ADGRV1: variants seen among roughly 807,000 people sequenced by gnomAD.
ADGRV1 encodes the protein G-protein coupled receptor 98.
A neutral mutation model predicts 596.2 loss-of-function variants in ADGRV1; 359 were observed. The ratio of observed to expected loss-of-function variants is 0.60; its 90% CI spans 0.55 to 0.66. The LOEUF (loss-of-function observed/expected upper bound fraction) is 0.66, where lower values mean the gene tolerates loss of function less well. ADGRV1 is among the 30% of genes least tolerant of loss of function. The probability of loss-of-function intolerance (pLI) is 0.00; values close to 1 mark genes in which losing one functional copy is unlikely to be tolerated. For synonymous variants in ADGRV1, 2,681 were observed against 2,679.2 expected, an observed-to-expected ratio of 1.00 and a Z score of -0.02; for missense variants, 7,274 against 7,575.6, an observed-to-expected ratio of 0.96 and a Z score of 1.48.
chr5:90,865,819 G>A (rs570274598), intron 83 of ADGRV1, among the ~76,000 whole-genome samples: 1 of 152,264 alleles, frequency 6.6e-6, no homozygotes, highest in Non-Finnish European at 1.5e-5. Flanking sequence ...GCTGACTACA[G>A]TAAGTTGGGC....
intron 83 of ADGRV1, among the ~76,000 whole-genome samples, chr5:90,871,959 C>T (rs1336335756): frequency 2.6e-5 from 4 of 152,088 alleles, no homozygotes; most frequent in South Asian, 2.1e-4. Context: ...ACACAAGATC[C>T]GAGGAAGGAG....
intron 45 of ADGRV1, among the ~76,000 whole-genome samples, chr5:90,723,577 A>G (rs1173035614): frequency 2.0e-5 from 3 of 152,226 alleles, no homozygotes; most frequent in Non-Finnish European, 4.4e-5. Context: ...GGATTTGTCC[A>G]TATGTCAGGA....
chr5:90,647,378 T>C (rs1442266156), intron 16 of ADGRV1, 120 bp from the exon 17 acceptor site: 33 of 930,842 alleles, frequency 3.5e-5, no homozygotes, highest in Non-Finnish European at 5.2e-5. Context: ...GAGCTAATTA[T>C]TTTGGCAAAG....
chr5:91,030,238 A>G (rs1468589102), intron 85 of ADGRV1, among the ~76,000 whole-genome samples: 1 of 152,114 alleles, frequency 6.6e-6, no homozygotes, highest in Non-Finnish European at 1.5e-5. Context: ...TGCTTAGATA[A>G]ACCCTTTATT....
chr5:91,142,307 A>T (rs1795162158), intron 87 of ADGRV1, among the ~76,000 whole-genome samples: 1 of 152,224 alleles, frequency 6.6e-6, no homozygotes, highest in Admixed American at 6.5e-5. Context: ...TGAACTGGAC[A>T]TGGTCTCTTA....
intron 85 of ADGRV1, among the ~76,000 whole-genome samples, chr5:91,054,867 GC>G (rs1311186416): frequency 4.6e-5 from 7 of 152,164 alleles, no homozygotes; most frequent in Non-Finnish European, 1.5e-5. Context: ...AATAGAGGAG[GC>G]CACTGAGATT....
chr5:91,117,874 C>T (rs185768541), intron 87 of ADGRV1, among the ~76,000 whole-genome samples: 8 of 152,160 alleles, frequency 5.3e-5, no homozygotes, highest in South Asian at 4.2e-4. Flanking sequence ...AATAATAGAA[C>T]CCACCTTAGG....
chr5:90,639,111 C>A (rs1167914928), intron 11 of ADGRV1, among the ~76,000 whole-genome samples: 1 of 151,966 alleles, frequency 6.6e-6, no homozygotes, highest in Non-Finnish European at 1.5e-5. Context: ...CGCGCACACA[C>A]ACACACAGAG....
chr5:91,047,772 A>G (rs1224350108), intron 85 of ADGRV1, among the ~76,000 whole-genome samples: 1 of 152,192 alleles, frequency 6.6e-6, no homozygotes, highest in Non-Finnish European at 1.5e-5. Context: ...AAGTGATACT[A>G]TTTTGTCACT....
At chr5:91,116,379 T>G (rs1792851574) in intron 87 of ADGRV1, among the ~76,000 whole-genome samples, 1 of 152,218 alleles carries the variant, frequency 6.6e-6, no homozygotes, top group African/African-American at 2.4e-5. Context: ...ACTACTTACT[T>G]TACAAGGCAC....
chr5:90,801,183 T>A (rs1209837246), intron 70 of ADGRV1, among the ~76,000 whole-genome samples: 1 of 152,068 alleles, frequency 6.6e-6, no homozygotes, highest in Non-Finnish European at 1.5e-5. Context: ...TCCTAAAAAC[T>A]TTCAAATTCA....
At chr5:91,102,133 CCA>C in intron 86 of ADGRV1, 84 bp from the exon 87 acceptor site, 2 of 1,280,580 alleles carry the variant, frequency 1.6e-6, no homozygotes, top group Non-Finnish European at 2.1e-6. Context: ...CACTAGAATA[CCA>C]CAGAAAGAAG....
chr5:90,711,371 TC>T, intron 41 of ADGRV1, 49 bp downstream of exon 41: 1 of 1,446,394 alleles, frequency 6.9e-7, no homozygotes, highest in Non-Finnish European at 9.4e-7. Context: ...TATTTTATAA[TC>T]ATTATTCCTT....
At chr5:90,690,137 A>G (rs1746281054) in intron 30 of ADGRV1, 61 bp downstream of exon 30, 1 of 991,616 alleles carries the variant, frequency 1.0e-6, no homozygotes, top group African/African-American at 1.6e-5. Flanking sequence ...ATAGATAATG[A>G]TCTTTACTTT....
chr5:90,738,521 T>G (rs1753542714), intron 50 of ADGRV1, among the ~76,000 whole-genome samples: 3 of 152,120 alleles, frequency 2.0e-5, no homozygotes, highest in South Asian at 4.1e-4. Flanking sequence ...TCTCTTAGCT[T>G]TTGTCTGGGA....
rs541268210 is a variant in ADGRV1 at position 91,051,418 on chromosome 5, G to T, written c.18153-21029G>T. Among the ~76,000 whole-genome samples the T allele has an allele frequency of 2.6e-5, 4 of 151,690 alleles. No individual in the cohort carries two copies. The East Asian group carries it at 7.8e-4, about 29-fold the overall frequency. Reference sequence around the variant, plus strand: ...AAACACTTTATTATTAAATACGCTTGTGTTAGATTACTTTGTTCAACTGTA... The same window carrying T: ...AAACACTTTATTATTAAATACGCTTTTGTTAGATTACTTTGTTCAACTGTA... On this transcript the variant is annotated intron_variant, in intron 85 of 89. Coordinates refer to ENST00000405460, the MANE Select transcript of ADGRV1 (RefSeq NM_032119.4).
Position 91,133,178 on chromosome 5 carries a change from T to C in ADGRV1, c.18433-16852T>C, listed in dbSNP as rs550412486. 2.0e-5 allele frequency among the ~76,000 whole-genome samples: 3 copies of C among 152,336 alleles called. No homozygotes were observed. In the South Asian group the frequency reaches 6.2e-4, roughly 32 times the overall value. ...GTTTGTTATATAGGTAGCAAAGACT[T>C]AAATGATTATTGTGTTTTCAACTAA... On this transcript the variant is annotated intron_variant, in intron 87 of 89. Transcript: ENST00000405460.
At chr5:90,604,739 G>A (rs1045815554) in intron 1 of ADGRV1, among the ~76,000 whole-genome samples, 1 of 151,974 alleles carries the variant, frequency 6.6e-6, no homozygotes, top group Non-Finnish European at 1.5e-5. Context: ...TTTTTTAAAG[G>A]ACCTAAAAGA....
At chr5:90,958,275 C>A (rs1380643630) in intron 83 of ADGRV1, among the ~76,000 whole-genome samples, 4 of 104,348 alleles carry the variant, frequency 3.8e-5, no homozygotes, top group East Asian at 4.6e-4. Flanking sequence ...CAGAGCCAGA[C>A]CTTGTCTCAA....
Sources: allele counts gnomAD v4.1 joint callset (sites outside exome capture counted in the v4.1 genomes callset), GRCh38; gene constraint gnomAD v4.1.1; transcripts MANE v1.5; gene names NCBI Gene and HGNC (gene_info 2026-07-23, HGNC 2026-07-21).